PDZRN4: variants seen among roughly 807,000 people sequenced by gnomAD.
PDZRN4 encodes the protein PDZ domain-containing RING finger protein 4.
PDZRN4 carries 70 observed loss-of-function variants against 99.0 expected under a neutral mutation model. The ratio of observed to expected loss-of-function variants is 0.71; its 90% CI spans 0.58 to 0.86. The LOEUF is 0.86. Among genes scored for constraint, PDZRN4 ranks in the 40% least tolerant of loss-of-function variants. The pLI is 0.00. For synonymous variants in PDZRN4, 551 were observed against 501.6 expected (o/e 1.10, Z -1.32); for missense variants, 1,474 against 1,331.2 (o/e 1.11, Z -1.67).
At chr12:41,561,067 CA>C (rs1939261414) in intron 7 of PDZRN4, among the ~76,000 whole-genome samples, 1 of 152,100 alleles carries the variant, frequency 6.6e-6, no homozygotes, top group African/African-American at 2.4e-5. Context: ...GACCAGAGAC[CA>C]TAGCTCTGGT....
intron 3 of PDZRN4, among the ~76,000 whole-genome samples, chr12:41,352,443 A>T (rs1252210793): frequency 2.0e-5 from 3 of 152,010 alleles, no homozygotes; most frequent in African/African-American, 7.2e-5. Flanking sequence ...AGGATAAGAT[A>T]CCTTGAGTTC....
At chr12:41,571,276 T>G (rs946351245) in intron 9 of PDZRN4, among the ~76,000 whole-genome samples, 3 of 151,312 alleles carry the variant, frequency 2.0e-5, no homozygotes, top group African/African-American at 7.3e-5. Flanking sequence ...GAACTACACA[T>G]GCATCTTATT....
intron 5 of PDZRN4, among the ~76,000 whole-genome samples, chr12:41,550,623 C>T (rs138009716): frequency 6.6e-6 from 1 of 152,262 alleles, no homozygotes; most frequent in Non-Finnish European, 1.5e-5. Context: ...ACTGTGCAGC[C>T]TACACTATAA....
At chr12:41,369,861 T>C (rs1204163580) in intron 3 of PDZRN4, among the ~76,000 whole-genome samples, 2 of 151,922 alleles carry the variant, frequency 1.3e-5, no homozygotes, top group African/African-American at 2.4e-5. Context: ...CCATCAATTC[T>C]TCTATACCAG....
chr12:41,506,479 G>A lies in PDZRN4; in HGVS notation c.867G>A (p.Lys289=), dbSNP rs144075185. The change falls in exon 4 of 10, where the codon AAG becomes AAA. Residue 289 remains lysine (K), a synonymous_variant. Coordinates refer to ENST00000402685, the MANE Select transcript of PDZRN4 (RefSeq NM_001164595.2). ...IMEVNGKDLS[K]ATHEEAVEAF... The stretch of plus-strand genomic sequence containing the variant: ...AGGTCAATGGGAAGGATCTTTCAAA[G>A]GCCACTCATGAAGAGGCAGTGGAAG... The A allele has an allele frequency of 4.4e-3, 7,070 of 1,612,922 alleles. 26 individuals carry two copies. Among genetic ancestry groups the A allele is most frequent in the Non-Finnish European group, 5.2e-3 (6,146 of 1,179,398 alleles).
intron 3 of PDZRN4, among the ~76,000 whole-genome samples, chr12:41,449,198 T>C (rs534337453): frequency 9.9e-5 from 15 of 152,272 alleles, no homozygotes; most frequent in African/African-American, 3.6e-4. Context: ...TCAGACATTG[T>C]TTTTTTCCAG....
intron 3 of PDZRN4, among the ~76,000 whole-genome samples, chr12:41,262,460 A>G (rs1361879128): frequency 6.6e-6 from 1 of 152,190 alleles, no homozygotes; most frequent in Non-Finnish European, 1.5e-5. Context: ...AGAAACTTTC[A>G]AGTAAGTGAG....
In PDZRN4 at chr12:41,294,200, T is replaced by C. The variant is rs73122836; in HGVS notation, c.843+100012T>C. 8.5e-5 allele frequency among the ~76,000 whole-genome samples: 13 copies of C among 152,190 alleles called. No individual in the cohort carries two copies. In the East Asian group the frequency reaches 2.5e-3, roughly 29 times the overall value. On this transcript the variant is annotated intron_variant, in intron 3 of 9. Coordinates refer to ENST00000402685, the MANE Select transcript of PDZRN4 (RefSeq NM_001164595.2). ...CTTTGCAGTGTAGTGTTATGGGAGA[T>C]GCATGAACTTTCAAAGTCAGGCAGA...
chr12:41,422,141 C>T (rs1311592155), intron 3 of PDZRN4, among the ~76,000 whole-genome samples: 1 of 152,088 alleles, frequency 6.6e-6, no homozygotes, highest in East Asian at 1.9e-4. Context: ...TAATTTTATT[C>T]TCACTGATTT....
At chr12:41,213,227 C>A (rs918590219) in intron 3 of PDZRN4, among the ~76,000 whole-genome samples, 15 of 151,932 alleles carry the variant, frequency 9.9e-5, no homozygotes, top group Admixed American at 5.9e-4. Context: ...AATCATTCTG[C>A]TGTAACGTTG....
intron 3 of PDZRN4, among the ~76,000 whole-genome samples, chr12:41,417,660 G>C (rs374309143): frequency 2.0e-5 from 3 of 152,264 alleles, no homozygotes; most frequent in African/African-American, 4.8e-5. Context: ...TAGAGAGGAG[G>C]CACTTGATTC....
At chr12:41,435,570 C>T (rs11180918) in intron 3 of PDZRN4, among the ~76,000 whole-genome samples, 13,063 of 152,190 alleles carry the variant, frequency 0.086, 757 homozygotes, top group Middle Eastern at 0.13. Flanking sequence ...AGGCAGATCA[C>T]GAGGTCAGGA....
Position 41,569,103 on chromosome 12 carries a change from A to G in PDZRN4, c.1584+1204A>G, listed in dbSNP as rs148927990. Among the ~76,000 whole-genome samples, 643 of 145,352 alleles carry G rather than the reference A, an allele frequency of 4.4e-3. 7 individuals are homozygous for G. The East Asian group carries it at 0.047, about 11-fold the overall frequency. On this transcript the variant is annotated intron_variant, in intron 9 of 9. Coordinates refer to ENST00000402685, the MANE Select transcript of PDZRN4 (RefSeq NM_001164595.2). The stretch of plus-strand genomic sequence containing the variant: ...AGGCATGAGCCACCGTGCCCTGTCT[A>G]TTCTTATTATTATCATTATTATTAT...
intron 3 of PDZRN4, among the ~76,000 whole-genome samples, chr12:41,230,231 C>A (rs1314747511): frequency 6.6e-6 from 1 of 151,952 alleles, no homozygotes; most frequent in South Asian, 2.1e-4. Flanking sequence ...AGGGACAGTG[C>A]ATTCCATGTG....
chr12:41,395,843 A>G (rs1250617867), intron 3 of PDZRN4, among the ~76,000 whole-genome samples: 1 of 152,016 alleles, frequency 6.6e-6, no homozygotes, highest in Admixed American at 6.6e-5. Flanking sequence ...ACTACCTTAG[A>G]TTTTTCTGAG....
At chr12:41,505,642 C>CATTT (rs1352919623) in intron 3 of PDZRN4, among the ~76,000 whole-genome samples, 3 of 151,932 alleles carry the variant, frequency 2.0e-5, no homozygotes, top group East Asian at 4.0e-4. Flanking sequence ...TGGTTTCTGC[C>CATTT]CCTGTTGAAA....
intron 2 of PDZRN4, among the ~76,000 whole-genome samples, 200 bp downstream of exon 2, chr12:41,191,744 TTTTATTTATTTATTTA>T (rs146409787): frequency 1.6e-4 from 20 of 121,364 alleles, no homozygotes; most frequent in Middle Eastern, 4.2e-3. Flanking sequence ...CATACCCAGA[TTTTATTTATTTATTTA>T]TTTATTTATT....
At chr12:41,326,523 G>A (rs1951710542) in intron 3 of PDZRN4, among the ~76,000 whole-genome samples, 2 of 152,258 alleles carry the variant, frequency 1.3e-5, no homozygotes, top group East Asian at 1.9e-4. Flanking sequence ...ACAGAGCAAG[G>A]TTGAAGATTG....
At chr12:41,410,647 G>A (rs1010006556) in intron 3 of PDZRN4, among the ~76,000 whole-genome samples, 4 of 152,098 alleles carry the variant, frequency 2.6e-5, no homozygotes, top group African/African-American at 7.2e-5. Context: ...GAAGAATGCT[G>A]CATTGAAAAG....
Sources: gnomAD v4.1 joint callset for allele counts (sites outside exome capture counted in the v4.1 genomes callset) on GRCh38, gnomAD v4.1.1 for gene constraint, MANE v1.5 for transcripts, NCBI Gene and HGNC (gene_info 2026-07-23, HGNC 2026-07-21) for gene names.